The following UBXN2A variants were observed in gnomAD, a reference collection of about 807,000 sequenced individuals.
UBXN2A encodes the protein UBX domain protein 2A, also known as UBX domain-containing protein 2A.
Under a neutral mutation model 28.4 loss-of-function variants are expected in UBXN2A, and 28 were observed. That is an observed-to-expected ratio of 0.99 (90% CI 0.73 to 1.35). The LOEUF is 1.35. Among genes scored for constraint, UBXN2A ranks in the 40% most tolerant of loss-of-function variants. The pLI, the probability that UBXN2A is intolerant of heterozygous loss-of-function variation, is 0.00. For missense variants in UBXN2A, 253 were observed against 297.9 expected (o/e 0.85, Z 1.11); for synonymous variants, 97 against 103.6 (o/e 0.94, Z 0.39).
intron 4 of UBXN2A, among the ~76,000 whole-genome samples, chr2:23,979,347 A>G (rs931249353): frequency 4.6e-5 from 7 of 152,100 alleles, no homozygotes; most frequent in Non-Finnish European, 1.0e-4. Context: ...TCTGTCTCAA[A>G]AAAAAAAAGA....
upstream of UBXN2A, among the ~76,000 whole-genome samples, chr2:23,937,189 A>T (rs1705556077): frequency 6.6e-6 from 1 of 152,162 alleles, no homozygotes; most frequent in Non-Finnish European, 1.5e-5. Context: ...TTGTACTGGA[A>T]GTTCTAGCTA....
chr2:24,004,189 T>C lies in UBXN2A; in HGVS notation c.*4322T>C, dbSNP rs1708762278. 1 of 151,732 alleles carries C rather than the reference T, an allele frequency of 6.6e-6. No homozygotes were observed. The highest frequency in any genetic ancestry group is 6.6e-5 in the Admixed American group (1 of 15,142). 9.4% of individuals were successfully genotyped at this position (151,732 alleles called of 1,614,324 possible). The stretch of plus-strand genomic sequence containing the variant: ...GAGAATTTAAAAGTTGTAAAATTGT[T>C]AGTTAAATGTGTATAATTATCAAAA... On this transcript the variant is annotated 3_prime_UTR_variant, in exon 7 of 7. Transcript: ENST00000309033.
intron 4 of UBXN2A, among the ~76,000 whole-genome samples, chr2:23,981,775 C>A (rs1173734571): frequency 6.6e-6 from 1 of 151,894 alleles, no homozygotes; most frequent in Non-Finnish European, 1.5e-5. Flanking sequence ...ATAGTCCCCG[C>A]TACTCAGGAG....
At chr2:23,997,569 A>G (rs2150923627) in intron 6 of UBXN2A, among the ~76,000 whole-genome samples, 1 of 151,676 alleles carries the variant, frequency 6.6e-6, no homozygotes, top group South Asian at 2.1e-4. Flanking sequence ...CTCCTGCCTC[A>G]GCCTCCTAAG....
chr2:23,938,552 TCCC>T (rs1373862119), upstream of UBXN2A, among the ~76,000 whole-genome samples: 42 of 99,680 alleles, frequency 4.2e-4, no homozygotes, highest in African/African-American at 1.4e-3. Flanking sequence ...GGCCCCCCCC[TCCC>T]TTTTTTTTTT....
intron 1 of UBXN2A, among the ~76,000 whole-genome samples, chr2:23,928,334 G>A (rs1213685060): frequency 6.6e-6 from 1 of 152,206 alleles, no homozygotes; most frequent in Non-Finnish European, 1.5e-5. Context: ...CCAGCACTTT[G>A]GGAGGCCAAG....
chr2:23,962,902 G>A (rs534313581), intron 2 of UBXN2A, among the ~76,000 whole-genome samples: 5 of 152,312 alleles, frequency 3.3e-5, no homozygotes, highest in Non-Finnish European at 7.4e-5. Context: ...GAGCCACCGC[G>A]TCCGGCAAGG....
rs150980335 is a variant in UBXN2A at position 23,999,864 on chromosome 2, C to T, written c.777C>T (p.His259=). ...CATCTTTTAGAGAACTTTCAGAGCA[C>T]TGATTTTTGATAGACTAAGTGGAAA... is the stretch of plus-strand genomic sequence containing the variant. The part of the protein sequence containing the change: ...KTASFRELSE[H] Residue 259 remains histidine, a synonymous_variant, in exon 7 of 7, where the codon CAC becomes CAT. Coordinates refer to ENST00000309033, the MANE Select transcript of UBXN2A (RefSeq NM_181713.4). 2 of 1,609,884 alleles carry T rather than the reference C, an allele frequency of 1.2e-6. No individual in the cohort carries two copies. Among genetic ancestry groups the T allele is most frequent in the South Asian group, 2.2e-5 (2 of 90,346 alleles).
chr2:23,999,647 A>G, intron 6 of UBXN2A, 25 bp from the exon 7 acceptor site: 1 of 1,584,646 alleles, frequency 6.3e-7, no homozygotes, highest in Non-Finnish European at 8.5e-7. Flanking sequence ...CTAAAATTAT[A>G]TTAATAGTTT....
chr2:23,984,370 GTCCATAGA>G (rs1708038831), intron 5 of UBXN2A, among the ~76,000 whole-genome samples: 1 of 152,062 alleles, frequency 6.6e-6, no homozygotes, highest in South Asian at 2.1e-4. Flanking sequence ...TAAAGGTAAA[GTCCATAGA>G]TCTATGAACC....
intron 6 of UBXN2A, among the ~76,000 whole-genome samples, chr2:23,995,745 A>T (rs996329696): frequency 3.3e-5 from 5 of 151,998 alleles, no homozygotes; most frequent in Non-Finnish European, 5.9e-5. Context: ...TACCCTGATG[A>T]ACCCATTGTA....
Position 24,002,969 on chromosome 2 carries a change from A to G in UBXN2A, c.*3102A>G, listed in dbSNP as rs1334176099. 2.0e-5 allele frequency: 3 copies of G among 152,152 alleles called. No individual in the cohort carries two copies. Among genetic ancestry groups the G allele is most frequent in the Non-Finnish European group, 4.4e-5 (3 of 68,020 alleles). 9.4% of individuals were successfully genotyped at this position (152,152 alleles called of 1,614,324 possible). A position where few individuals can be genotyped will look rare whatever the true frequency, so the allele number is the denominator to read the frequency against. On this transcript the variant is annotated 3_prime_UTR_variant, in exon 7 of 7. Coordinates refer to ENST00000309033, the MANE Select transcript of UBXN2A (RefSeq NM_181713.4). ...CCCTGAATGGGTCTTGGGAATCTCC[A>G]GGGATCCCTCAGGCACACTTTGAGA...
intron 4 of UBXN2A, among the ~76,000 whole-genome samples, chr2:23,978,414 C>T (rs1466170951): frequency 6.6e-6 from 1 of 152,028 alleles, no homozygotes; most frequent in East Asian, 1.9e-4. Flanking sequence ...GAGGCCGAGG[C>T]GTGCAGATCA....
intron 1 of UBXN2A, among the ~76,000 whole-genome samples, chr2:23,954,357 CT>C (rs1706514063): frequency 6.6e-6 from 1 of 152,174 alleles, no homozygotes; most frequent in Admixed American, 6.5e-5. Flanking sequence ...AATTTCACTC[CT>C]TTTATGGCTG....
At chr2:23,979,083 ACC>A (rs1707792825) in intron 4 of UBXN2A, among the ~76,000 whole-genome samples, 1 of 151,630 alleles carries the variant, frequency 6.6e-6, no homozygotes, top group South Asian at 2.1e-4. Flanking sequence ...GGTGGCTCAT[ACC>A]TAATCCCAGC....
chr2:23,945,714 AT>A (rs752927428), intron 1 of UBXN2A, among the ~76,000 whole-genome samples: 116 of 152,050 alleles, frequency 7.6e-4, no homozygotes, highest in Non-Finnish European at 1.5e-3. Flanking sequence ...TTGTTTTTGC[AT>A]TTTTTCTCCT....
In UBXN2A at chr2:24,003,723, CCAAAAAAAAAA is replaced by C. The variant is rs1259889993; in HGVS notation, c.*3857_*3867del. On this transcript the variant is annotated 3_prime_UTR_variant, in exon 7 of 7. Transcript: ENST00000309033. ...TAGTGAAACAAAAATAATGTTCTTA[CCAAAAAAAAAA>C]AAAAAAAAAAGAGGCAATGATAAAA... 2.5e-5 allele frequency: 3 copies of C among 119,228 alleles called. No individual in the cohort carries two copies. The highest frequency in any genetic ancestry group is 6.4e-5 in the African/African-American group (2 of 31,432). 7.4% of individuals were successfully genotyped at this position (119,228 alleles called of 1,614,324 possible). A position where few individuals can be genotyped will look rare whatever the true frequency, so the allele number is the denominator to read the frequency against.
chr2:23,973,872 C>T (rs1441934283), intron 3 of UBXN2A, among the ~76,000 whole-genome samples: 1 of 151,940 alleles, frequency 6.6e-6, no homozygotes, highest in East Asian at 1.9e-4. Context: ...CCTGGTGATC[C>T]ACCCACCTCA....
intron 2 of UBXN2A, among the ~76,000 whole-genome samples, chr2:23,963,682 G>C (rs1707037066): frequency 6.6e-6 from 1 of 152,082 alleles, no homozygotes; most frequent in Non-Finnish European, 1.5e-5. Context: ...GAGAACCCTT[G>C]AACACTGTTG....
Sources: gnomAD v4.1 joint callset for allele counts (sites outside exome capture counted in the v4.1 genomes callset) on GRCh38, gnomAD v4.1.1 for gene constraint, MANE v1.5 for transcripts, NCBI Gene and HGNC (gene_info 2026-07-23, HGNC 2026-07-21) for gene names.